IL1RAPL2: variants seen among roughly 807,000 people sequenced by gnomAD.
IL1RAPL2 encodes the protein X-linked interleukin-1 receptor accessory protein-like 2.
IL1RAPL2 carries 3 observed loss-of-function variants against 44.1 expected under a neutral mutation model. The ratio of observed to expected loss-of-function variants is 0.07; its 90% CI spans 0.03 to 0.18. The LOEUF (loss-of-function observed/expected upper bound fraction) is 0.18, where lower values mean the gene tolerates loss of function less well. Ranked by LOEUF, IL1RAPL2 falls within the 10% of genes least tolerant of loss-of-function variation. IL1RAPL2 has a pLI of 1.00. For missense variants in IL1RAPL2, 391 were observed against 496.4 expected, an observed-to-expected ratio of 0.79 and a Z score of 2.02; for synonymous variants, 181 against 178.8, an observed-to-expected ratio of 1.01 and a Z score of -0.10.
At chrX:105,293,922 G>A (rs1195886701) in intron 5 of IL1RAPL2, among the ~76,000 whole-genome samples, 1 of 112,255 alleles carries the variant, frequency 8.9e-6, no homozygotes. Flanking sequence ...TGAATTGTTT[G>A]TAATATGATT....
intron 1 of IL1RAPL2, among the ~76,000 whole-genome samples, chrX:104,649,108 TC>T (rs935321859): frequency 9.0e-6 from 1 of 111,054 alleles, no homozygotes; most frequent in African/African-American, 3.3e-5. Context: ...ACGATTTTTT[TC>T]CCTCCCTTTC....
intron 6 of IL1RAPL2, among the ~76,000 whole-genome samples, chrX:105,563,418 C>T (rs777620862): frequency 9.0e-6 from 1 of 111,544 alleles, no homozygotes; most frequent in African/African-American, 3.3e-5. Context: ...TCCTGTGAGG[C>T]ACTAACAGAC....
chrX:105,163,774 C>T (rs2033347535), intron 2 of IL1RAPL2, among the ~76,000 whole-genome samples: 1 of 110,966 alleles, frequency 9.0e-6, no homozygotes, highest in South Asian at 3.9e-4. Context: ...AAGAGAGTAG[C>T]TACTTATAGT....
intron 2 of IL1RAPL2, among the ~76,000 whole-genome samples, chrX:105,192,412 T>C (rs1482796424): frequency 8.9e-6 from 1 of 111,759 alleles, no homozygotes; most frequent in Admixed American, 9.5e-5. Context: ...TCAGGCCTCT[T>C]ACCTCAGCCT....
chrX:104,901,305 G>T (rs1923811642), intron 2 of IL1RAPL2, among the ~76,000 whole-genome samples: 1 of 99,121 alleles, frequency 1.0e-5, no homozygotes, highest in African/African-American at 3.9e-5. Flanking sequence ...CCGCCTCCCG[G>T]GTTCACACCA....
chrX:104,898,316 G>A (rs1202616340), intron 2 of IL1RAPL2, among the ~76,000 whole-genome samples: 1 of 111,872 alleles, frequency 8.9e-6, no homozygotes, highest in African/African-American at 3.2e-5. Context: ...GGACACTGGT[G>A]TTGATTTTAT....
chrX:104,887,311 C>T (rs1249964118), intron 2 of IL1RAPL2, among the ~76,000 whole-genome samples: 1 of 112,193 alleles, frequency 8.9e-6, no homozygotes, highest in Non-Finnish European at 1.9e-5. Context: ...TAAGCCTTCC[C>T]ACACGGCAAA....
In IL1RAPL2 at chrX:104,696,649, G is replaced by A. The variant is rs188245231; in HGVS notation, c.82+37654G>A. ...GAGTTCACATAGTAGGAAACACAGGGATTTGAATAGTTGACCAGCCAGTAT... is the reference window on the plus strand; with the variant it reads ...GAGTTCACATAGTAGGAAACACAGGAATTTGAATAGTTGACCAGCCAGTAT... On this transcript the variant is annotated intron_variant, in intron 2 of 10. Coordinates refer to ENST00000372582, the MANE Select transcript of IL1RAPL2 (RefSeq NM_017416.2). 7.0e-3 allele frequency among the ~76,000 whole-genome samples: 786 copies of A among 111,659 alleles called. 10 individuals carry two copies. Among genetic ancestry groups the A allele is most frequent in the Admixed American group, 0.036 (373 of 10,461 alleles).
intron 2 of IL1RAPL2, among the ~76,000 whole-genome samples, chrX:105,038,602 T>C (rs1046339858): frequency 6.3e-5 from 7 of 110,763 alleles, no homozygotes; most frequent in Non-Finnish European, 1.1e-4. Flanking sequence ...TATAGATGAA[T>C]TGCATGTCTC....
chrX:105,073,652 G>C (rs1432456821), intron 2 of IL1RAPL2, among the ~76,000 whole-genome samples: 3 of 111,490 alleles, frequency 2.7e-5, no homozygotes, highest in African/African-American at 6.5e-5. Flanking sequence ...CTAGTTTACA[G>C]TCCCACCAAC....
Position 104,826,790 on chromosome X carries a change from G to T in IL1RAPL2, c.82+167795G>T, listed in dbSNP as rs930253157. Among the ~76,000 whole-genome samples the T allele has an allele frequency of 3.0e-4, 33 of 110,538 alleles. 1 individual carries two copies. Among genetic ancestry groups the T allele is most frequent in the Admixed American group, 9.7e-4 (10 of 10,318 alleles). On this transcript the variant is annotated intron_variant, in intron 2 of 10. Coordinates refer to ENST00000372582, the MANE Select transcript of IL1RAPL2 (RefSeq NM_017416.2). ...AAGAACTTGCTTTATGAATTTGGCT[G>T]CTCCTGTACTGGGTGCATATATATT...
intron 3 of IL1RAPL2, chrX:105,219,014 C>A: frequency 1.7e-6 from 2 of 1,211,346 alleles, no homozygotes; most frequent in Admixed American, 2.2e-5. Context: ...AAGCAAGTAT[C>A]CCTCCGTGAA....
intron 2 of IL1RAPL2, among the ~76,000 whole-genome samples, chrX:105,053,710 G>A: frequency 8.9e-6 from 1 of 112,070 alleles, no homozygotes; most frequent in Non-Finnish European, 1.9e-5. Flanking sequence ...CAGGTTAATT[G>A]ATATAAACAA....
chrX:105,054,155 A>G (rs925295746), intron 2 of IL1RAPL2, among the ~76,000 whole-genome samples: 6 of 110,367 alleles, frequency 5.4e-5, no homozygotes, highest in African/African-American at 1.6e-4. Context: ...ACACTAATAC[A>G]CACACACACA....
intron 2 of IL1RAPL2, among the ~76,000 whole-genome samples, chrX:104,947,702 G>A (rs1207620111): frequency 9.0e-6 from 1 of 110,966 alleles, no homozygotes; most frequent in African/African-American, 3.3e-5. Flanking sequence ...GTTTTTGTCA[G>A]GTTTGTCAAA....
intron 2 of IL1RAPL2, among the ~76,000 whole-genome samples, chrX:105,046,930 G>C (rs1385117401): frequency 1.9e-5 from 2 of 106,464 alleles, no homozygotes; most frequent in African/African-American, 6.9e-5. Context: ...CTCCCATTTG[G>C]CAGATAGAAC....
intron 6 of IL1RAPL2, among the ~76,000 whole-genome samples, chrX:105,520,932 T>C (rs1427940857): frequency 0.046 from 3,405 of 73,988 alleles, 141 homozygotes; most frequent in African/African-American, 0.13. Context: ...TCTTTTTTTT[T>C]TTTTTTTTTT....
chrX:105,638,793 G>GA (rs2037543507), intron 6 of IL1RAPL2, among the ~76,000 whole-genome samples: 1 of 112,344 alleles, frequency 8.9e-6, no homozygotes, highest in Non-Finnish European at 1.9e-5. Flanking sequence ...CAGGGTAGAT[G>GA]TTATTCTGAA....
At chrX:105,368,311 A>G (rs1186023214) in intron 5 of IL1RAPL2, among the ~76,000 whole-genome samples, 1 of 111,348 alleles carries the variant, frequency 9.0e-6, no homozygotes, top group African/African-American at 3.3e-5. Context: ...CCATAAGTGG[A>G]AGCAGCCTGA....
Sources: gnomAD v4.1 joint callset for allele counts (sites outside exome capture counted in the v4.1 genomes callset) on GRCh38, gnomAD v4.1.1 for gene constraint, MANE v1.5 for transcripts, NCBI Gene and HGNC (gene_info 2026-07-23, HGNC 2026-07-21) for gene names.